The following GPR39 variants were observed in gnomAD, a reference collection of about 807,000 sequenced individuals.
The protein encoded by GPR39 is zinc sensing receptor.
GPR39 carries 23 observed loss-of-function variants against 18.4 expected under a neutral mutation model. That is an observed-to-expected ratio of 1.25 (90% CI 0.90 to 1.77). The LOEUF (loss-of-function observed/expected upper bound fraction) is 1.77, where lower values mean the gene tolerates loss of function less well. Ranked by LOEUF, GPR39 falls within the 40% of genes most tolerant of loss-of-function variation. GPR39 has a pLI of 0.00. For synonymous variants in GPR39, 280 were observed against 257.9 expected (o/e 1.09, Z -0.82); for missense variants, 647 against 602.4 (o/e 1.07, Z -0.78).
chr2:132,519,258 T>G (rs950463355), intron 1 of GPR39, among the ~76,000 whole-genome samples: 1 of 150,068 alleles, frequency 6.7e-6, no homozygotes, highest in Non-Finnish European at 1.5e-5. Context: ...CTTCACCAAT[T>G]GTGGCCTCAT....
intron 1 of GPR39, among the ~76,000 whole-genome samples, chr2:132,612,916 G>A (rs1427454837): frequency 6.6e-6 from 1 of 152,036 alleles, no homozygotes; most frequent in African/African-American, 2.4e-5. Context: ...TTGTAACCTC[G>A]AGTTTCCTAA....
At chr2:132,476,457 G>A (rs528582588) in intron 1 of GPR39, among the ~76,000 whole-genome samples, 3 of 152,000 alleles carry the variant, frequency 2.0e-5, no homozygotes, top group Non-Finnish European at 4.4e-5. Context: ...GCAACATGGT[G>A]AAACCCTGTC....
chr2:132,535,587 G>T (rs1232984497), intron 1 of GPR39, among the ~76,000 whole-genome samples: 1 of 152,146 alleles, frequency 6.6e-6, no homozygotes, highest in East Asian at 1.9e-4. Context: ...AAATGAGTTA[G>T]GGAGGAGTCC....
At chr2:132,523,343 T>G (rs530060385) in intron 1 of GPR39, among the ~76,000 whole-genome samples, 65 of 152,312 alleles carry the variant, frequency 4.3e-4, no homozygotes, top group African/African-American at 1.4e-3. Context: ...CAATGAACAA[T>G]CCATTAAATT....
intron 1 of GPR39, among the ~76,000 whole-genome samples, chr2:132,509,176 A>C (rs1679188270): frequency 6.6e-6 from 1 of 152,240 alleles, no homozygotes. Flanking sequence ...CTGACAGATC[A>C]GTATGCAATC....
intron 1 of GPR39, among the ~76,000 whole-genome samples, chr2:132,516,169 T>C (rs1351272963): frequency 6.6e-6 from 1 of 152,128 alleles, no homozygotes; most frequent in Non-Finnish European, 1.5e-5. Context: ...GGAGGGAAAT[T>C]CTCAGCGTCC....
At chr2:132,499,864 C>A (rs1678979779) in intron 1 of GPR39, among the ~76,000 whole-genome samples, 1 of 151,980 alleles carries the variant, frequency 6.6e-6, no homozygotes, top group South Asian at 2.1e-4. Flanking sequence ...GAGTTGAGTT[C>A]TTGATTTGAT....
chr2:132,562,546 C>G lies in GPR39; in HGVS notation c.857-82555C>G, dbSNP rs143007961. 1.4e-3 allele frequency among the ~76,000 whole-genome samples: 220 copies of G among 152,260 alleles called. 1 individual carries two copies. The highest frequency in any genetic ancestry group is 4.8e-3 in the African/African-American group (198 of 41,534). ...GTCCAGAATGCAATCTGTCCCCAGC[C>G]TATTCTCCTTCGTCTTTAAGATCCT... On this transcript the variant is annotated intron_variant, in intron 1 of 1. Coordinates refer to ENST00000329321, the MANE Select transcript of GPR39 (RefSeq NM_001508.3).
intron 1 of GPR39, among the ~76,000 whole-genome samples, chr2:132,626,787 TTA>T (rs1168813646): frequency 1.4e-4 from 21 of 152,234 alleles, no homozygotes; most frequent in African/African-American, 4.8e-4. Flanking sequence ...TTAAAGACAT[TTA>T]TATAATTGAG....
At chr2:132,464,236 C>T (rs1019381522) in intron 1 of GPR39, among the ~76,000 whole-genome samples, 10 of 152,208 alleles carry the variant, frequency 6.6e-5, no homozygotes, top group African/African-American at 2.4e-4. Context: ...GATTGATTTA[C>T]TTCCCCTTGC....
intron 1 of GPR39, among the ~76,000 whole-genome samples, chr2:132,643,864 C>A (rs542581233): frequency 6.6e-6 from 1 of 152,320 alleles, no homozygotes; most frequent in Non-Finnish European, 1.5e-5. Context: ...AGGCAGGAAG[C>A]ATTCATTGCC....
chr2:132,506,149 G>A (rs1679131146), intron 1 of GPR39, among the ~76,000 whole-genome samples: 1 of 124,840 alleles, frequency 8.0e-6, no homozygotes, highest in Non-Finnish European at 1.8e-5. Flanking sequence ...CTGATGATTA[G>A]TAATGCTGAG....
chr2:132,559,703 A>G lies in GPR39; in HGVS notation c.857-85398A>G, dbSNP rs139216502. On this transcript the variant is annotated intron_variant, in intron 1 of 1. Coordinates refer to ENST00000329321, the MANE Select transcript of GPR39 (RefSeq NM_001508.3). The stretch of plus-strand genomic sequence containing the variant: ...CAGTGTTCCAAGCAGAGTGAACAGC[A>G]TTTCGCAGCGTAGTCAGAAGGCCAC... Among the ~76,000 whole-genome samples the G allele has an allele frequency of 2.4e-3, 358 of 152,176 alleles. 1 individual carries two copies. The highest frequency in any genetic ancestry group is 7.8e-3 in the African/African-American group (324 of 41,538).
intron 1 of GPR39, among the ~76,000 whole-genome samples, chr2:132,618,835 C>T (rs570361092): frequency 3.5e-4 from 53 of 152,314 alleles, no homozygotes; most frequent in South Asian, 6.2e-4. Flanking sequence ...GAGGTCCCTA[C>T]GGAACTGAGG....
chr2:132,576,510 A>C (rs1680529065), intron 1 of GPR39, among the ~76,000 whole-genome samples: 1 of 152,074 alleles, frequency 6.6e-6, no homozygotes, highest in African/African-American at 2.4e-5. Flanking sequence ...AAAATTAGCC[A>C]GCCATGGTGG....
intron 1 of GPR39, among the ~76,000 whole-genome samples, chr2:132,528,340 A>AACT (rs1309834003): frequency 6.6e-6 from 1 of 151,996 alleles, no homozygotes; most frequent in Non-Finnish European, 1.5e-5. Context: ...TAGCCTTGTG[A>AACT]TATAGTTTGA....
intron 1 of GPR39, among the ~76,000 whole-genome samples, chr2:132,440,730 T>G (rs548551560): frequency 1.3e-5 from 2 of 152,058 alleles, no homozygotes; most frequent in South Asian, 2.1e-4. Context: ...GTTTGAAACT[T>G]TTTCAGTCAC....
intron 1 of GPR39, among the ~76,000 whole-genome samples, chr2:132,465,238 C>G (rs1325398471): frequency 6.6e-6 from 1 of 152,038 alleles, no homozygotes; most frequent in Admixed American, 6.6e-5. Flanking sequence ...TGGGCAGTCG[C>G]CTGGACAAAT....
At chr2:132,502,668 G>A (rs997873980) in intron 1 of GPR39, among the ~76,000 whole-genome samples, 1 of 152,084 alleles carries the variant, frequency 6.6e-6, no homozygotes, top group African/African-American at 2.4e-5. Flanking sequence ...TATGTTTTCC[G>A]AACTTTTAGA....
Sources: allele counts gnomAD v4.1 joint callset (sites outside exome capture counted in the v4.1 genomes callset), GRCh38; gene constraint gnomAD v4.1.1; transcripts MANE v1.5; gene names NCBI Gene and HGNC (gene_info 2026-07-23, HGNC 2026-07-21).